AMY2B: variants seen among roughly 807,000 people sequenced by gnomAD.
The protein encoded by AMY2B is amylase alpha 2B, also known as alpha-amylase 2B.
AMY2B carries 63 observed loss-of-function variants against 59.3 expected under a neutral mutation model. The observed-to-expected ratio is 1.06, with a 90% CI of 0.87 to 1.31. The LOEUF is 1.31. Among genes scored for constraint, AMY2B ranks in the 50% most tolerant of loss-of-function variants. The probability of loss-of-function intolerance (pLI) is 0.00; values close to 1 mark genes in which losing one functional copy is unlikely to be tolerated. For missense variants in AMY2B, 635 were observed against 626.7 expected, an observed-to-expected ratio of 1.01 and a Z score of -0.14; for synonymous variants, 180 against 198.1, an observed-to-expected ratio of 0.91 and a Z score of 0.77.
rs527849926 is a variant in AMY2B at position 103,558,174 on chromosome 1, A to G, written c.-207+3065A>G. 3.3e-5 allele frequency among the ~76,000 whole-genome samples: 5 copies of G among 152,320 alleles called. No homozygotes were observed. In the South Asian group the frequency reaches 1.0e-3, roughly 32 times the overall value. Reference sequence around the variant, plus strand: ...TTGGCTGTGAAATGTGAGCAGAAAGATTGTTTTACTTTGGGGAGTTCCCGA... The same window carrying G: ...TTGGCTGTGAAATGTGAGCAGAAAGGTTGTTTTACTTTGGGGAGTTCCCGA... On this transcript the variant is annotated intron_variant, in intron 1 of 11. Transcript: ENST00000361355.
At position 103,572,931 on chromosome 1, in the gene AMY2B, T is replaced by A. The variant is rs1367262339; in HGVS notation, c.316-132T>A. On this transcript the variant is annotated intron_variant, in intron 2 of 9. Coordinates refer to ENST00000684275, the MANE Select transcript of AMY2B (RefSeq NM_001387437.1). ...ACTTCTTCACAGTTGATTTTTGATC[T>A]TGTAGGAAAATAGTTATAAGATATC... The A allele has an allele frequency of 7.1e-6, 11 of 1,541,520 alleles. No individual in the cohort carries two copies. In the East Asian group the frequency reaches 2.0e-4, roughly 29 times the overall value.
chr1:103,569,631 C>T (rs958578992), upstream of AMY2B: 8 of 402,962 alleles, frequency 2.0e-5, no homozygotes, highest in African/African-American at 1.7e-4. Flanking sequence ...GGACGACAAC[C>T]CCCAGCCATG....
At chr1:103,576,141 GAAC>G (rs1426408817) in intron 7 of AMY2B, among the ~76,000 whole-genome samples, 1 of 152,166 alleles carries the variant, frequency 6.6e-6, no homozygotes, top group African/African-American at 2.4e-5. Context: ...TTTCAAAAAG[GAAC>G]AGAGAAATAA....
intron 6 of AMY2B, 31 bp downstream of exon 6, chr1:103,575,376 C>T: frequency 1.2e-6 from 2 of 1,612,510 alleles, no homozygotes; most frequent in Admixed American, 1.7e-5. Flanking sequence ...TTTTTTTTAA[C>T]ACATCTTTTA....
intron 9 of AMY2B, 37 bp downstream of exon 9, chr1:103,577,882 T>A (rs518097): frequency 1.6e-5 from 26 of 1,595,832 alleles, no homozygotes; most frequent in African/African-American, 8.0e-5. Flanking sequence ...ATTTTGTACC[T>A]GTATGCTCTT....
intron 1 of AMY2B, 118 bp from the exon 2 acceptor site, chr1:103,571,992 T>C: frequency 6.4e-7 from 1 of 1,557,732 alleles, no homozygotes; most frequent in Non-Finnish European, 8.7e-7. Context: ...GTTAATATTT[T>C]CAAGAGATAG....
At chr1:103,561,390 C>G (rs771383678) in intron 1 of AMY2B, among the ~76,000 whole-genome samples, 3 of 152,088 alleles carry the variant, frequency 2.0e-5, no homozygotes, top group Non-Finnish European at 4.4e-5. Flanking sequence ...GCCTCTGCCT[C>G]CTAAGTAGCT....
At chr1:103,557,781 T>C (rs1255109183) in intron 1 of AMY2B, among the ~76,000 whole-genome samples, 1 of 152,178 alleles carries the variant, frequency 6.6e-6, no homozygotes, top group Admixed American at 6.5e-5. Flanking sequence ...TATGAAACTT[T>C]TCAAAGCTTA....
At position 103,573,841 on chromosome 1, in the gene AMY2B, A is replaced by T. The variant is rs750913844; in HGVS notation, c.647A>T (p.His216Leu). 13 of 1,613,776 alleles carry T rather than the reference A, an allele frequency of 8.1e-6. No individual in the cohort carries two copies. The African/African-American group carries it at 1.5e-4, about 18-fold the overall frequency. Reference sequence around the variant, plus strand: ...GGGTTCAGACTTGATGCTTCCAAGCACATGTGGCCTGGAGACATAAAGGCA... The same window carrying T: ...GGGTTCAGACTTGATGCTTCCAAGCTCATGTGGCCTGGAGACATAAAGGCA... ...VAGFRLDASK[H>L]MWPGDIKAIL... is the part of the protein sequence containing the mutation. The change falls in exon 4 of 10, where the codon CAC becomes CTC. Residue 216 changes from histidine (H) to leucine (L), a missense_variant. Coordinates refer to ENST00000684275, the MANE Select transcript of AMY2B (RefSeq NM_001387437.1).
At chr1:103,571,249 A>C, upstream of AMY2B, 3 of 720,566 alleles carry the variant, frequency 4.2e-6, no homozygotes, top group Non-Finnish European at 5.7e-6. Context: ...CTTTTAATTT[A>C]TGTAAAGTTT....
upstream of AMY2B, chr1:103,570,788 T>C: frequency 2.1e-6 from 1 of 467,268 alleles, no homozygotes; most frequent in South Asian, 1.6e-5. Flanking sequence ...GAATAAGCCT[T>C]AGAAAATAAG....
chr1:103,577,906 T>A, intron 9 of AMY2B, 61 bp downstream of exon 9: 1 of 1,588,850 alleles, frequency 6.3e-7, no homozygotes, highest in Non-Finnish European at 8.5e-7. Context: ...TTATTCCTTT[T>A]TTTCTGTTCA....
intron 1 of AMY2B, 149 bp downstream of exon 1, chr1:103,571,919 C>A: frequency 6.4e-7 from 1 of 1,563,918 alleles, no homozygotes. Context: ...ATGTAGTATT[C>A]TTGGCAACTT....
chr1:103,572,650 T>G (rs1652181799), intron 2 of AMY2B, among the ~76,000 whole-genome samples: 1 of 152,198 alleles, frequency 6.6e-6, no homozygotes, highest in Non-Finnish European at 1.5e-5. Context: ...CTTCTCTATT[T>G]AATGAGGAGC....
At chr1:103,555,780 G>T (rs1399689630) in intron 1 of AMY2B, among the ~76,000 whole-genome samples, 1 of 152,152 alleles carries the variant, frequency 6.6e-6, no homozygotes, top group Non-Finnish European at 1.5e-5. Context: ...TCAAGGGGTT[G>T]TGAGAAATGG....
At chr1:103,577,313 A>G (rs1652397227) in intron 7 of AMY2B, 177 bp from the exon 8 acceptor site, 2 of 1,191,294 alleles carry the variant, frequency 1.7e-6, no homozygotes, top group Non-Finnish European at 2.4e-6. Context: ...GAACCAGAGG[A>G]TAGAGAGATG....
chr1:103,575,854 G>T, intron 7 of AMY2B: 1 of 244,152 alleles, frequency 4.1e-6, no homozygotes, highest in Non-Finnish European at 7.8e-6. Context: ...ACCTACCTCA[G>T]GGTTAATAGG....
chr1:103,567,765 C>A (rs1651959603), upstream of AMY2B, among the ~76,000 whole-genome samples: 1 of 152,122 alleles, frequency 6.6e-6, no homozygotes, highest in Non-Finnish European at 1.5e-5. Context: ...ATGATCTGGC[C>A]TACCTCTCTG....
At position 103,557,575 on chromosome 1, in the gene AMY2B, A is replaced by G. The variant is rs1265811780; in HGVS notation, c.-207+2466A>G. On this transcript the variant is annotated intron_variant, in intron 1 of 11. Coordinates refer to the AMY2B transcript ENST00000361355. ...AGGCTGAGGCAGGAGAATCATTTGA[A>G]CCCGAAGGTGGAGGTTGCAGTGAGC... Among the ~76,000 whole-genome samples, 3 of 152,008 alleles carry G rather than the reference A, an allele frequency of 2.0e-5. No individual in the cohort carries two copies. The South Asian group carries it at 6.2e-4, about 32-fold the overall frequency.
Sources: gnomAD v4.1 joint callset for allele counts (sites outside exome capture counted in the v4.1 genomes callset) on GRCh38, gnomAD v4.1.1 for gene constraint, MANE v1.5 for transcripts, NCBI Gene and HGNC (gene_info 2026-07-23, HGNC 2026-07-21) for gene names.